Variants in DDX60L observed in about 807,000 individuals in gnomAD.
DDX60L encodes DExD/H-box 60 like, also known as probable ATP-dependent RNA helicase DDX60-like.
In DDX60L, 191 loss-of-function variants were observed where a neutral mutation model predicts 211.6. That is an observed-to-expected ratio of 0.90 (90% CI 0.80 to 1.02). DDX60L has a LOEUF of 1.02. Among genes scored for constraint, DDX60L ranks in the 50% least tolerant of loss-of-function variants. The pLI, the probability that DDX60L is intolerant of heterozygous loss-of-function variation, is 0.00. For missense variants in DDX60L, 2,007 were observed against 1,984.1 expected, an observed-to-expected ratio of 1.01 and a Z score of -0.22; for synonymous variants, 706 against 694.1, an observed-to-expected ratio of 1.02 and a Z score of -0.27.
In DDX60L at chr4:168,378,455, C is replaced by T; in HGVS notation, c.4384G>A (p.Asp1462Asn). ...AWKGSQQFSQ[D>N]VMEKLVLVLA... ...ACTAACACGAGCTTTTCCATCACAT[C>T]TTGGGAAAATTGTTGTGAGCCTATT... Residue 1462 changes from aspartate (D) to asparagine (N), a missense_variant, in exon 33 of 38, where the codon GAT becomes AAT. Physicochemically the swap from Asp to Asn is conservative, Grantham distance 23 (BLOSUM62 1). Coordinates refer to ENST00000682922, the MANE Select transcript of DDX60L (RefSeq NM_001012967.3). 1 of 1,574,708 alleles carries T rather than the reference C, an allele frequency of 6.4e-7. No homozygotes were observed. Among genetic ancestry groups the T allele is most frequent in the Non-Finnish European group, 8.6e-7 (1 of 1,158,044 alleles).
At position 168,396,110 on chromosome 4, in the gene DDX60L, G is replaced by C; in HGVS notation, c.3506C>G (p.Pro1169Arg). ...TCTTTCCAGTTTTTCAGCCTTCTTT[G>C]GGTTTTTTTTAGTGCTACTATTTAA... ...KTQKRITKKNPKKAEKLERKK... is the reference protein window; with the variant it reads ...KTQKRITKKNRKKAEKLERKK... Residue 1169 changes from proline (P) to arginine (R), a missense_variant, in exon 27 of 38, where the codon CCA becomes CGA. Physicochemically the swap from Pro to Arg is moderately radical, Grantham distance 103. Coordinates refer to ENST00000682922, the MANE Select transcript of DDX60L (RefSeq NM_001012967.3). The C allele has an allele frequency of 1.3e-6, 2 of 1,494,280 alleles. No individual in the cohort carries two copies. The highest frequency in any genetic ancestry group is 2.4e-5 in the East Asian group (1 of 42,114). 92.6% of individuals were successfully genotyped at this position (1,494,280 alleles called of 1,614,324 possible).
At chr4:168,479,998 A>AG in intron 1 of DDX60L, among the ~76,000 whole-genome samples, 1 of 135,116 alleles carries the variant, frequency 7.4e-6, no homozygotes. Context: ...AAAAAAAAAA[A>AG]AAAAGCTTAA....
At chr4:168,416,221 T>C (rs1749540591) in intron 20 of DDX60L, among the ~76,000 whole-genome samples, 1 of 152,244 alleles carries the variant, frequency 6.6e-6, no homozygotes, top group African/African-American at 2.4e-5. Flanking sequence ...TCAATGACTG[T>C]GTCCCAGTTA....
chr4:168,427,009 A>G, intron 14 of DDX60L, 61 bp downstream of exon 14: 1 of 1,460,490 alleles, frequency 6.8e-7, no homozygotes, highest in Non-Finnish European at 9.2e-7. Flanking sequence ...TTCAGTAAAT[A>G]TGTTAACATC....
chr4:168,373,634 C>G (rs769396741), intron 35 of DDX60L, 32 bp downstream of exon 35: 1 of 1,603,182 alleles, frequency 6.2e-7, no homozygotes, highest in Non-Finnish European at 8.5e-7. Context: ...CTGTTAAACA[C>G]ATTTTGTACA....
chr4:168,397,680 G>GA (rs1353734256), intron 26 of DDX60L, among the ~76,000 whole-genome samples: 22 of 152,320 alleles, frequency 1.4e-4, no homozygotes, highest in African/African-American at 5.1e-4. Context: ...AACTTTGTAT[G>GA]TACGACAATC....
At chr4:168,442,162 G>A (rs1405940813) in intron 9 of DDX60L, among the ~76,000 whole-genome samples, 4 of 152,114 alleles carry the variant, frequency 2.6e-5, no homozygotes, top group Admixed American at 1.3e-4. Flanking sequence ...TGTGCGAGCC[G>A]AAGCAGGGCG....
chr4:168,476,105 T>C (rs978986711), intron 1 of DDX60L: 7 of 152,116 alleles, frequency 4.6e-5, no homozygotes, highest in African/African-American at 9.7e-5. Context: ...TATTTTGTTA[T>C]GGCAGCTTTA....
At chr4:168,383,539 G>A (rs563811103) in intron 30 of DDX60L, among the ~76,000 whole-genome samples, 2 of 152,282 alleles carry the variant, frequency 1.3e-5, no homozygotes, top group East Asian at 3.9e-4. Context: ...ATACATTGTT[G>A]AACTACAAGG....
At chr4:168,408,098 C>A (rs1257807821) in intron 22 of DDX60L, among the ~76,000 whole-genome samples, 1 of 152,146 alleles carries the variant, frequency 6.6e-6, no homozygotes, top group Non-Finnish European at 1.5e-5. Context: ...ACCAAATATT[C>A]TGTCTATAAA....
chr4:168,362,413 C>A (rs2149592850), intron 36 of DDX60L, among the ~76,000 whole-genome samples: 1 of 152,334 alleles, frequency 6.6e-6, no homozygotes, highest in South Asian at 2.1e-4. Context: ...GGTCTTACCT[C>A]CTCCAGAGAC....
At chr4:168,397,034 C>T (rs980707268) in intron 26 of DDX60L, among the ~76,000 whole-genome samples, 5 of 152,090 alleles carry the variant, frequency 3.3e-5, no homozygotes, top group South Asian at 2.1e-4. Flanking sequence ...ATGGGATTGG[C>T]GACCTTATAA....
intron 26 of DDX60L, among the ~76,000 whole-genome samples, chr4:168,400,414 T>G (rs1746594582): frequency 6.6e-6 from 1 of 152,186 alleles, no homozygotes; most frequent in African/African-American, 2.4e-5. Context: ...ATGGTATTTC[T>G]GTCTTTTGGT....
chr4:168,448,602 T>C, intron 9 of DDX60L, 36 bp downstream of exon 9: 1 of 1,433,518 alleles, frequency 7.0e-7, no homozygotes, highest in Non-Finnish European at 9.5e-7. Context: ...ATATAATTTG[T>C]TCATGATATA....
intron 1 of DDX60L, among the ~76,000 whole-genome samples, chr4:168,477,120 A>C (rs966904807): frequency 3.3e-5 from 5 of 152,214 alleles, no homozygotes; most frequent in Non-Finnish European, 1.5e-5. Flanking sequence ...AAATTGGTAC[A>C]AAAGTGAAAT....
At chr4:168,420,633 CACACACAT>C (rs1293968730) in intron 17 of DDX60L, among the ~76,000 whole-genome samples, 3 of 93,464 alleles carry the variant, frequency 3.2e-5, no homozygotes, top group South Asian at 3.3e-4. Context: ...CACACACACA[CACACACAT>C]GAGATAGATA....
chr4:168,454,600 C>A (rs1756251150), intron 7 of DDX60L, among the ~76,000 whole-genome samples: 1 of 151,936 alleles, frequency 6.6e-6, no homozygotes, highest in Non-Finnish European at 1.5e-5. Flanking sequence ...CAATCAATAT[C>A]CTTAGCTAAG....
chr4:168,365,244 T>C (rs545461252), intron 36 of DDX60L, among the ~76,000 whole-genome samples: 1 of 152,002 alleles, frequency 6.6e-6, no homozygotes, highest in Non-Finnish European at 1.5e-5. Context: ...TGAAGATGGT[T>C]TTAAAAAGAT....
intron 12 of DDX60L, among the ~76,000 whole-genome samples, 188 bp downstream of exon 12, chr4:168,432,267 T>C (rs1350943134): frequency 2.0e-5 from 3 of 148,994 alleles, no homozygotes; most frequent in Admixed American, 6.7e-5. Flanking sequence ...TATATATATA[T>C]ACACACATAT....
Sources: allele counts gnomAD v4.1 joint callset (sites outside exome capture counted in the v4.1 genomes callset), GRCh38; gene constraint gnomAD v4.1.1; transcripts MANE v1.5; gene names NCBI Gene and HGNC (gene_info 2026-07-23, HGNC 2026-07-21).